ROCK1: variants seen among roughly 807,000 people sequenced by gnomAD.
The protein encoded by ROCK1 is rho-associated protein kinase 1.
In ROCK1, 36 loss-of-function variants were observed where a neutral mutation model predicts 196.8. The ratio of observed to expected loss-of-function variants is 0.18; its 90% confidence interval spans 0.14 to 0.24. The LOEUF (loss-of-function observed/expected upper bound fraction) is 0.24. ROCK1 is among the 10% of genes least tolerant of loss of function. The pLI is 1.00. For synonymous variants in ROCK1, 443 were observed against 515.9 expected (o/e 0.86, Z 1.91); for missense variants, 920 against 1,562.0 (o/e 0.59, Z 6.93).
chr18:21,077,164 G>A (rs1434922161), intron 1 of ROCK1, among the ~76,000 whole-genome samples: 17 of 151,492 alleles, frequency 1.1e-4, no homozygotes, highest in Non-Finnish European at 2.2e-4. Flanking sequence ...TAGTAGAGAC[G>A]GGGTTTCACC....
At chr18:20,966,671 C>T (rs2035376702) in intron 27 of ROCK1, among the ~76,000 whole-genome samples, 1 of 152,150 alleles carries the variant, frequency 6.6e-6, no homozygotes, top group Admixed American at 6.5e-5. Flanking sequence ...TCATAAACCT[C>T]TTATGGTTTT....
intron 9 of ROCK1, among the ~76,000 whole-genome samples, chr18:21,030,983 A>C (rs1479209699): frequency 6.6e-6 from 1 of 152,210 alleles, no homozygotes; most frequent in Non-Finnish European, 1.5e-5. Flanking sequence ...AGGCTATAAA[A>C]ATTTGGCATT....
intron 1 of ROCK1, among the ~76,000 whole-genome samples, chr18:21,099,328 T>G (rs1267224166): frequency 6.6e-6 from 1 of 152,124 alleles, no homozygotes; most frequent in Admixed American, 6.5e-5. Context: ...TTGCTTATAT[T>G]TATAAGAATA....
chr18:21,107,953 G>T (rs116080279), intron 1 of ROCK1, among the ~76,000 whole-genome samples: 2,659 of 152,166 alleles, frequency 0.017, 76 homozygotes, highest in African/African-American at 0.058. Flanking sequence ...ACTCGTGGGG[G>T]CTGAGGCAGG....
intron 2 of ROCK1, among the ~76,000 whole-genome samples, chr18:21,066,887 T>C (rs1321751966): frequency 6.6e-6 from 1 of 152,242 alleles, no homozygotes; most frequent in Non-Finnish European, 1.5e-5. Context: ...GCCTTAAACA[T>C]TTTAATACAG....
At position 20,949,497 on chromosome 18, in the gene ROCK1, C is replaced by T. The variant is rs1229251158; in HGVS notation, c.*1887G>A. 3 of 152,252 alleles carry T rather than the reference C, an allele frequency of 2.0e-5. No homozygotes were observed. The highest frequency in any genetic ancestry group is 2.9e-5 in the Non-Finnish European group (2 of 68,066). 9.4% of individuals were successfully genotyped at this position (152,252 alleles called of 1,614,324 possible). A position where few individuals can be genotyped will look rare whatever the true frequency, so the allele number is the denominator to read the frequency against. ...GTGGGTTTGCATCATAGGTGGGAGA[C>T]GTTATCTTTATTATACTGGACAGTA... On this transcript the variant is annotated 3_prime_UTR_variant, in exon 33 of 33. Coordinates refer to ENST00000399799, the MANE Select transcript of ROCK1 (RefSeq NM_005406.3).
chr18:21,042,034 A>G, intron 8 of ROCK1, 63 bp downstream of exon 8: 1 of 1,473,294 alleles, frequency 6.8e-7, no homozygotes. Flanking sequence ...ATGGACCTTA[A>G]AAATGGAGCA....
At chr18:21,104,649 G>A (rs868704552) in intron 1 of ROCK1, among the ~76,000 whole-genome samples, 36 of 151,702 alleles carry the variant, frequency 2.4e-4, no homozygotes, top group African/African-American at 7.8e-4. Flanking sequence ...TCTGAGCCAC[G>A]TCTCTACACA....
chr18:20,973,467 G>T (rs1170504743), intron 22 of ROCK1, among the ~76,000 whole-genome samples: 1 of 151,764 alleles, frequency 6.6e-6, no homozygotes, highest in South Asian at 2.1e-4. Context: ...TAGTAGAGAC[G>T]GGGTTTCACC....
intron 4 of ROCK1, among the ~76,000 whole-genome samples, chr18:21,046,201 C>T (rs780259882): frequency 4.6e-5 from 7 of 152,134 alleles, no homozygotes; most frequent in Non-Finnish European, 7.4e-5. Context: ...TGAGCCACTG[C>T]GCCCGGCCTC....
At chr18:20,991,810 C>T (rs186361418) in intron 17 of ROCK1, among the ~76,000 whole-genome samples, 35 of 151,688 alleles carry the variant, frequency 2.3e-4, no homozygotes, top group African/African-American at 8.5e-4. Context: ...AATTTTTAAG[C>T]ATTTTTTTGT....
chr18:21,043,547 T>C (rs938056564), intron 6 of ROCK1, among the ~76,000 whole-genome samples: 2 of 147,534 alleles, frequency 1.4e-5, no homozygotes, highest in Admixed American at 1.4e-4. Context: ...ATTTATGTTA[T>C]TTATTATATG....
rs139308435 is a variant in ROCK1, at chr18:21,057,807, C to T, written c.176-7927G>A. Among the ~76,000 whole-genome samples the T allele has an allele frequency of 9.2e-3, 1,395 of 151,622 alleles. 17 individuals carry two copies. The highest frequency in any genetic ancestry group is 0.031 in the African/African-American group (1,267 of 41,246). On this transcript the variant is annotated intron_variant, in intron 2 of 32. Transcript: ENST00000399799. Reference sequence around the variant, plus strand: ...CTGCACTCCAGCCTGGGTGACTGACCGAGACTCTGTATCAAGAAAAAAATT... The same window carrying T: ...CTGCACTCCAGCCTGGGTGACTGACTGAGACTCTGTATCAAGAAAAAAATT...
chr18:21,068,715 T>C (rs1419580980), intron 2 of ROCK1, among the ~76,000 whole-genome samples: 1 of 152,206 alleles, frequency 6.6e-6, no homozygotes, highest in Non-Finnish European at 1.5e-5. Flanking sequence ...TTCATGTTTT[T>C]GCTTCTATTG....
chr18:20,970,547 C>T, intron 22 of ROCK1, 34 bp from the exon 23 acceptor site: 1 of 1,469,170 alleles, frequency 6.8e-7, no homozygotes, highest in East Asian at 2.3e-5. Flanking sequence ...CTGATGTAAA[C>T]AAATTCAGTT....
At chr18:21,033,754 C>T (rs889873029) in intron 9 of ROCK1, among the ~76,000 whole-genome samples, 1 of 149,136 alleles carries the variant, frequency 6.7e-6, no homozygotes, top group Admixed American at 6.7e-5. Context: ...CGCGGTGGCT[C>T]ACGCCTGTAA....
chr18:21,078,458 A>G (rs1464836482), intron 1 of ROCK1, among the ~76,000 whole-genome samples: 3 of 152,122 alleles, frequency 2.0e-5, no homozygotes, highest in Admixed American at 6.5e-5. Context: ...AGGAAAAAAA[A>G]GGGTCCTTTG....
chr18:20,966,238 A>G (rs1182905152), intron 27 of ROCK1, among the ~76,000 whole-genome samples: 2 of 152,158 alleles, frequency 1.3e-5, no homozygotes, highest in Non-Finnish European at 2.9e-5. Flanking sequence ...TCATCTCTGT[A>G]AAGTACATAA....
At chr18:21,101,075 C>T (rs888320798) in intron 1 of ROCK1, among the ~76,000 whole-genome samples, 8 of 152,056 alleles carry the variant, frequency 5.3e-5, no homozygotes, top group Admixed American at 2.0e-4. Context: ...TAACAAGTGG[C>T]AATTAAGGAA....
Sources: gnomAD v4.1 joint callset for allele counts (sites outside exome capture counted in the v4.1 genomes callset) on GRCh38, gnomAD v4.1.1 for gene constraint, MANE v1.5 for transcripts, NCBI Gene and HGNC (gene_info 2026-07-23, HGNC 2026-07-21) for gene names.